The following SEC11C variants were observed in gnomAD, a reference collection of about 807,000 sequenced individuals.
SEC11C encodes the protein signal peptidase complex catalytic subunit SEC11C.
A neutral mutation model predicts 21.9 loss-of-function variants in SEC11C; 10 were observed. That is an observed-to-expected ratio of 0.46 (90% CI 0.28 to 0.77). The LOEUF (loss-of-function observed/expected upper bound fraction) is 0.77. Among genes scored for constraint, SEC11C ranks in the 30% least tolerant of loss-of-function variants. The probability of loss-of-function intolerance (pLI) is 0.12; values close to 1 mark genes in which losing one functional copy is unlikely to be tolerated. For missense variants in SEC11C, 145 were observed against 244.5 expected (o/e 0.59, Z 2.71); for synonymous variants, 83 against 85.6 (o/e 0.97, Z 0.17).
At chr18:59,141,569 A>T (rs982510913) in intron 1 of SEC11C, among the ~76,000 whole-genome samples, 2 of 152,212 alleles carry the variant, frequency 1.3e-5, no homozygotes, top group African/African-American at 4.8e-5. Flanking sequence ...AAGGCCTGCC[A>T]GTAGCTGGCT....
At chr18:59,148,985 G>C (rs2069314544) in intron 1 of SEC11C, among the ~76,000 whole-genome samples, 1 of 152,216 alleles carries the variant, frequency 6.6e-6, no homozygotes, top group Non-Finnish European at 1.5e-5. Flanking sequence ...AAACCTCCAG[G>C]TGTTTAGAGT....
At chr18:59,157,745 C>T (rs1350193480) in intron 5 of SEC11C, 80 bp downstream of exon 5, 1 of 955,826 alleles carries the variant, frequency 1.0e-6, no homozygotes, top group Non-Finnish European at 1.7e-6. Context: ...AACAGGCAGT[C>T]TTCTTAAAAC....
At chr18:59,143,953 G>A (rs1456636368) in intron 1 of SEC11C, among the ~76,000 whole-genome samples, 5 of 151,658 alleles carry the variant, frequency 3.3e-5, no homozygotes, top group Non-Finnish European at 7.4e-5. Context: ...CCGGGTTCAA[G>A]CGATTCTTGT....
intron 1 of SEC11C, among the ~76,000 whole-genome samples, chr18:59,142,668 T>C (rs950469286): frequency 6.6e-6 from 1 of 152,242 alleles, no homozygotes; most frequent in African/African-American, 2.4e-5. Context: ...GAATGTTTTA[T>C]CTCTTCTAAC....
At chr18:59,145,474 C>G (rs1020840548) in intron 1 of SEC11C, among the ~76,000 whole-genome samples, 2 of 152,152 alleles carry the variant, frequency 1.3e-5, no homozygotes, top group African/African-American at 4.8e-5. Context: ...AGGGAGGGAG[C>G]CTTCTGGGTA....
intron 1 of SEC11C, 137 bp downstream of exon 1, chr18:59,140,172 G>A: frequency 1.4e-6 from 1 of 691,656 alleles, no homozygotes; most frequent in Non-Finnish European, 2.4e-6. Context: ...TGGGCTCTCA[G>A]GCCCTGGGTT....
intron 4 of SEC11C, chr18:59,156,255 C>T (rs11877185): frequency 0.073 from 11,424 of 157,284 alleles, 684 homozygotes; most frequent in African/African-American, 0.17. Flanking sequence ...TTTTAAATAA[C>T]CATTACAAGA....
At chr18:59,155,511 G>A (rs982808473) in intron 3 of SEC11C, 177 bp from the exon 4 acceptor site, 1 of 540,852 alleles carries the variant, frequency 1.8e-6, no homozygotes, top group African/African-American at 1.9e-5. Flanking sequence ...CATTAGATTT[G>A]TGCTTCAGTT....
intron 1 of SEC11C, among the ~76,000 whole-genome samples, chr18:59,148,659 G>A (rs996933507): frequency 4.0e-5 from 6 of 151,416 alleles, no homozygotes; most frequent in Admixed American, 3.9e-4. Context: ...TGTCGCCCAG[G>A]CTGGAGTGCA....
At chr18:59,151,582 C>T (rs531001147) in intron 2 of SEC11C, among the ~76,000 whole-genome samples, 1 of 152,302 alleles carries the variant, frequency 6.6e-6, no homozygotes, top group South Asian at 2.1e-4. Flanking sequence ...TTCTCCCTGC[C>T]ACCTTCTGCA....
chr18:59,156,478 T>C (rs2069419444), intron 4 of SEC11C: 1 of 152,260 alleles, frequency 6.6e-6, no homozygotes, highest in African/African-American at 2.4e-5. Flanking sequence ...TAATTATTTA[T>C]TTAACCAATC....
intron 1 of SEC11C, among the ~76,000 whole-genome samples, chr18:59,142,040 T>C (rs987165218): frequency 3.3e-5 from 5 of 152,148 alleles, no homozygotes; most frequent in Non-Finnish European, 5.9e-5. Flanking sequence ...CAAAAGCACC[T>C]GTGAAACATG....
intron 3 of SEC11C, among the ~76,000 whole-genome samples, chr18:59,153,996 T>G (rs1448316692): frequency 3.3e-5 from 5 of 152,154 alleles, no homozygotes; most frequent in Admixed American, 6.5e-5. Flanking sequence ...TGTGAGCAAC[T>G]GTGCCCGGCC....
chr18:59,152,832 C>T (rs1380181870), intron 3 of SEC11C, 147 bp downstream of exon 3: 6 of 605,386 alleles, frequency 9.9e-6, no homozygotes, highest in Middle Eastern at 4.4e-4. Flanking sequence ...TTAACTCTTT[C>T]TGTAGGATGG....
chr18:59,146,809 A>G (rs1322127198), intron 1 of SEC11C, among the ~76,000 whole-genome samples: 1 of 151,972 alleles, frequency 6.6e-6, no homozygotes, highest in Non-Finnish European at 1.5e-5. Context: ...TGGGAGGAGG[A>G]GGTATAGAGC....
intron 3 of SEC11C, among the ~76,000 whole-genome samples, chr18:59,154,129 T>A (rs1323221171): frequency 6.6e-6 from 1 of 152,246 alleles, no homozygotes; most frequent in Non-Finnish European, 1.5e-5. Flanking sequence ...TACTAACGGT[T>A]ACTTGATGCC....
chr18:59,149,506 A>G lies in SEC11C; in HGVS notation c.88-7A>G. 6.3e-7 allele frequency: 1 copy of G among 1,582,194 alleles called. No homozygotes were observed. The highest frequency in any genetic ancestry group is 8.7e-7 in the Non-Finnish European group (1 of 1,153,154). Reference sequence around the variant, plus strand: ...TTTTCATCGTGGTTTCCTCTTTTTCATTCCAGCTCTATTACCAGGTTTTAA... The same window carrying G: ...TTTTCATCGTGGTTTCCTCTTTTTCGTTCCAGCTCTATTACCAGGTTTTAA... On this transcript the variant is annotated splice_region_variant and splice_polypyrimidine_tract_variant and intron_variant, in intron 1 of 5. Transcript: ENST00000587834.
rs762714269 is a variant in SEC11C at position 59,158,737 on chromosome 18, GA to G, written c.*57del. On this transcript the variant is annotated 3_prime_UTR_variant, in exon 6 of 6. Transcript: ENST00000587834. ...TTGAAATGAATTCTGTTGAAAAAGA[GA>G]AAAACTAATATATTTGAGATGTTCC... 2 of 1,422,536 alleles carry G rather than the reference GA, an allele frequency of 1.4e-6. No individual in the cohort carries two copies. Among genetic ancestry groups the G allele is most frequent in the South Asian group, 1.2e-5 (1 of 86,802 alleles). 88.1% of individuals were successfully genotyped at this position (1,422,536 alleles called of 1,614,324 possible). A position where few individuals can be genotyped will look rare whatever the true frequency, so the allele number is the denominator to read the frequency against.
intron 3 of SEC11C, 88 bp from the exon 4 acceptor site, chr18:59,155,600 T>A: frequency 7.1e-7 from 1 of 1,404,634 alleles, no homozygotes; most frequent in Non-Finnish European, 9.8e-7. Context: ...TGCTCCTGTC[T>A]GACAGTAAAG....
Sources: allele counts gnomAD v4.1 joint callset (sites outside exome capture counted in the v4.1 genomes callset), GRCh38; gene constraint gnomAD v4.1.1; transcripts MANE v1.5; gene names NCBI Gene and HGNC (gene_info 2026-07-23, HGNC 2026-07-21).